SGCD: variants seen among roughly 807,000 people sequenced by gnomAD.
The protein encoded by SGCD is sarcoglycan delta.
SGCD carries 18 observed loss-of-function variants against 36.6 expected under a neutral mutation model. The observed-to-expected ratio is 0.49, with a 90% CI of 0.34 to 0.73. The LOEUF is 0.73. Ranked by LOEUF, SGCD falls within the 30% of genes least tolerant of loss-of-function variation. SGCD has a pLI of 0.01. For missense variants in SGCD, 387 were observed against 346.7 expected, an observed-to-expected ratio of 1.12 and a Z score of -0.92; for synonymous variants, 133 against 130.6, an observed-to-expected ratio of 1.02 and a Z score of -0.12.
chr5:156,055,599 CA>C (rs1295352819), intron 1 of SGCD, among the ~76,000 whole-genome samples: 2 of 146,082 alleles, frequency 1.4e-5, no homozygotes, highest in Admixed American at 1.4e-4. Flanking sequence ...CATTAGGTGG[CA>C]AAGAAAGGAG....
intron 7 of SGCD, among the ~76,000 whole-genome samples, chr5:156,709,155 C>A (rs936659066): frequency 6.6e-6 from 1 of 152,122 alleles, no homozygotes; most frequent in Admixed American, 6.5e-5. Flanking sequence ...TCAAAATAAT[C>A]CTTATGGCAG....
intron 1 of SGCD, among the ~76,000 whole-genome samples, chr5:156,029,817 T>G (rs1759303765): frequency 6.6e-6 from 1 of 152,170 alleles, no homozygotes; most frequent in Admixed American, 6.5e-5. Flanking sequence ...TTTACCTAAT[T>G]TTTTAAAAAA....
the SGCD span, among the ~76,000 whole-genome samples, chr5:155,794,136 C>T: frequency 6.6e-5 from 10 of 152,038 alleles, no homozygotes; most frequent in Admixed American, 2.0e-4. Context: ...GTACACCTTA[C>T]GGAGGTGAAC....
At chr5:156,562,073 A>G (rs1759286988) in intron 4 of SGCD, among the ~76,000 whole-genome samples, 1 of 152,216 alleles carries the variant, frequency 6.6e-6, no homozygotes, top group South Asian at 2.1e-4. Context: ...ATAATGTACC[A>G]GGTACTGTTT....
At chr5:156,048,328 G>A (rs1466280997) in intron 1 of SGCD, among the ~76,000 whole-genome samples, 1 of 152,124 alleles carries the variant, frequency 6.6e-6, no homozygotes, top group Non-Finnish European at 1.5e-5. Context: ...AATCCTTTGG[G>A]TATATACCCA....
the SGCD span, among the ~76,000 whole-genome samples, chr5:155,795,719 A>G: frequency 6.6e-6 from 1 of 152,164 alleles, no homozygotes; most frequent in Non-Finnish European, 1.5e-5. Context: ...TTGTCTCACT[A>G]TTATAGATAA....
At chr5:156,578,089 T>A (rs1365069966) in intron 4 of SGCD, among the ~76,000 whole-genome samples, 1 of 152,220 alleles carries the variant, frequency 6.6e-6, no homozygotes, top group Non-Finnish European at 1.5e-5. Flanking sequence ...ATATGTCCCA[T>A]CAATACCTAG....
At chr5:155,748,213 C>T in the SGCD span, among the ~76,000 whole-genome samples, 1 of 151,898 alleles carries the variant, frequency 6.6e-6, no homozygotes, top group East Asian at 1.9e-4. Context: ...ACCAACTACC[C>T]TTTCTTATTA....
chr5:156,568,927 CATT>C (rs1258666205), intron 4 of SGCD, among the ~76,000 whole-genome samples: 1 of 152,168 alleles, frequency 6.6e-6, no homozygotes, highest in East Asian at 1.9e-4. Flanking sequence ...ACCATGAAAT[CATT>C]ATTATGTATG....
intron 3 of SGCD, among the ~76,000 whole-genome samples, chr5:156,304,349 G>T (rs1561609937): frequency 1.3e-5 from 2 of 152,226 alleles, no homozygotes; most frequent in East Asian, 3.9e-4. Flanking sequence ...CTTTCCCATG[G>T]TGTTCTTGTG....
chr5:155,824,604 A>G, the SGCD span, among the ~76,000 whole-genome samples: 1 of 152,296 alleles, frequency 6.6e-6, no homozygotes, highest in South Asian at 2.1e-4. Flanking sequence ...GTACCTTCAC[A>G]TGCATTTCTT....
chr5:156,601,145 T>G (rs567188941), intron 6 of SGCD, among the ~76,000 whole-genome samples: 1 of 152,332 alleles, frequency 6.6e-6, no homozygotes, highest in African/African-American at 2.4e-5. Flanking sequence ...CTTTTTAGTT[T>G]TATGTAATCC....
chr5:156,476,373 G>A (rs533985959), intron 3 of SGCD, among the ~76,000 whole-genome samples: 106 of 152,242 alleles, frequency 7.0e-4, no homozygotes, highest in African/African-American at 2.5e-3. Context: ...CGGCCGAAGT[G>A]GAAGCAGAAT....
chr5:155,820,241 G>A, the SGCD span, among the ~76,000 whole-genome samples: 1 of 152,148 alleles, frequency 6.6e-6, no homozygotes. Context: ...TTTTCCTATA[G>A]AATCCCTTAG....
intron 3 of SGCD, among the ~76,000 whole-genome samples, chr5:156,286,741 T>G (rs969286393): frequency 2.6e-5 from 4 of 151,972 alleles, no homozygotes; most frequent in Admixed American, 1.3e-4. Flanking sequence ...AGTTACTGGG[T>G]GCAGCACACC....
chr5:156,758,566 C>A (rs1291908487), intron 8 of SGCD, among the ~76,000 whole-genome samples: 1 of 152,110 alleles, frequency 6.6e-6, no homozygotes, highest in Non-Finnish European at 1.5e-5. Context: ...ATCACAACTG[C>A]CTCTTCAAGC....
chr5:156,580,799 T>C (rs755102941), intron 4 of SGCD, among the ~76,000 whole-genome samples: 1 of 152,204 alleles, frequency 6.6e-6, no homozygotes, highest in Non-Finnish European at 1.5e-5. Flanking sequence ...TAGCCATTCA[T>C]CTAATCTTTT....
intron 3 of SGCD, among the ~76,000 whole-genome samples, chr5:156,267,587 T>G (rs1188189205): frequency 6.6e-6 from 1 of 152,190 alleles, no homozygotes; most frequent in Non-Finnish European, 1.5e-5. Context: ...TGCACTGTGA[T>G]ACTACATGTT....
At chr5:156,287,101 C>T (rs1351327692) in intron 3 of SGCD, among the ~76,000 whole-genome samples, 1 of 152,080 alleles carries the variant, frequency 6.6e-6, no homozygotes, top group Admixed American at 6.6e-5. Flanking sequence ...CAAGTGTTAT[C>T]AGGGCTTGGG....
Sources: gnomAD v4.1 joint callset for allele counts (sites outside exome capture counted in the v4.1 genomes callset) on GRCh38, gnomAD v4.1.1 for gene constraint, MANE v1.5 for transcripts, NCBI Gene and HGNC (gene_info 2026-07-23, HGNC 2026-07-21) for gene names.